The following MACROD2 variants were observed in gnomAD, a reference collection of about 807,000 sequenced individuals.
MACROD2 encodes mono-ADP ribosylhydrolase 2, also known as ADP-ribose glycohydrolase MACROD2.
Under a neutral mutation model 70.4 loss-of-function variants are expected in MACROD2, and 36 were observed. That is an observed-to-expected ratio of 0.51 (90% CI 0.39 to 0.68). MACROD2 has a LOEUF of 0.68. Ranked by LOEUF, MACROD2 falls within the 30% of genes least tolerant of loss-of-function variation. The probability of loss-of-function intolerance (pLI) is 0.00; values close to 1 mark genes in which losing one functional copy is unlikely to be tolerated. For synonymous variants in MACROD2, 172 were observed against 178.8 expected, an observed-to-expected ratio of 0.96 and a Z score of 0.30; for missense variants, 496 against 538.4, an observed-to-expected ratio of 0.92 and a Z score of 0.78.
chr20:15,031,149 C>T (rs1261374361), intron 5 of MACROD2, among the ~76,000 whole-genome samples: 1 of 152,218 alleles, frequency 6.6e-6, no homozygotes, highest in Non-Finnish European at 1.5e-5. Flanking sequence ...TCCAGCTGAA[C>T]CAGGCATACT....
intron 9 of MACROD2, among the ~76,000 whole-genome samples, chr20:15,873,835 TG>T (rs1384290282): frequency 3.9e-5 from 6 of 152,168 alleles, no homozygotes; most frequent in African/African-American, 1.4e-4. Context: ...TTTAAGCCTA[TG>T]GACTTCGCCT....
intron 3 of MACROD2, among the ~76,000 whole-genome samples, chr20:14,489,485 A>G (rs1241226577): frequency 2.0e-5 from 3 of 152,190 alleles, no homozygotes; most frequent in African/African-American, 7.2e-5. Flanking sequence ...GTGGTATTTC[A>G]GCTTTTGTAT....
chr20:15,228,487 C>CTTTTTTTTTTTTTTTTT (rs527508760), intron 5 of MACROD2, among the ~76,000 whole-genome samples: 2 of 118,010 alleles, frequency 1.7e-5, no homozygotes, highest in African/African-American at 3.3e-5. Context: ...TTCCTTCTTT[C>CTTTTTTTTTTTTTTTTT]TTTTTTTTTT....
intron 3 of MACROD2, among the ~76,000 whole-genome samples, chr20:14,153,521 T>C (rs2055053905): frequency 6.6e-6 from 1 of 152,198 alleles, no homozygotes; most frequent in Non-Finnish European, 1.5e-5. Context: ...TTTTTTCAGA[T>C]ACAACCAATG....
chr20:15,515,754 C>T (rs1421719613), intron 8 of MACROD2, among the ~76,000 whole-genome samples: 1 of 152,206 alleles, frequency 6.6e-6, no homozygotes, highest in African/African-American at 2.4e-5. Context: ...AAGCCTTGAA[C>T]TCTGTTCCTA....
intron 8 of MACROD2, among the ~76,000 whole-genome samples, chr20:15,669,094 A>C (rs190844847): frequency 5.7e-4 from 87 of 152,340 alleles, no homozygotes; most frequent in Non-Finnish European, 1.1e-3. Flanking sequence ...TTAACAAGTG[A>C]AAAAAGTGAA....
intron 8 of MACROD2, among the ~76,000 whole-genome samples, chr20:15,683,889 G>A (rs2050193519): frequency 6.6e-6 from 1 of 151,984 alleles, no homozygotes; most frequent in Non-Finnish European, 1.5e-5. Flanking sequence ...TGCTTAGCTT[G>A]CTGTTATCAT....
At chr20:14,107,515 C>T (rs971831641) in intron 3 of MACROD2, among the ~76,000 whole-genome samples, 1 of 151,924 alleles carries the variant, frequency 6.6e-6, no homozygotes, top group Non-Finnish European at 1.5e-5. Context: ...ATTCCCCAAA[C>T]CTAGAGAAAG....
intron 4 of MACROD2, among the ~76,000 whole-genome samples, chr20:14,666,030 C>G (rs1468154350): frequency 1.3e-5 from 2 of 151,934 alleles, no homozygotes; most frequent in Non-Finnish European, 2.9e-5. Context: ...TTAAAAAAAC[C>G]CAGATTCCTT....
At chr20:15,024,204 G>A (rs575975560) in intron 5 of MACROD2, among the ~76,000 whole-genome samples, 1 of 152,118 alleles carries the variant, frequency 6.6e-6, no homozygotes, top group Non-Finnish European at 1.5e-5. Context: ...GAGATTTATT[G>A]AAGGTATGCC....
At chr20:15,386,299 C>T (rs975087074) in intron 6 of MACROD2, among the ~76,000 whole-genome samples, 6 of 152,282 alleles carry the variant, frequency 3.9e-5, no homozygotes, top group African/African-American at 1.2e-4. Flanking sequence ...AATATATTAG[C>T]TCGTTTTCGT....
chr20:14,446,266 C>T (rs2084180892), intron 3 of MACROD2, among the ~76,000 whole-genome samples: 1 of 151,984 alleles, frequency 6.6e-6, no homozygotes, highest in Non-Finnish European at 1.5e-5. Context: ...CTGCTATTCA[C>T]TGCTTATATT....
intron 5 of MACROD2, among the ~76,000 whole-genome samples, chr20:15,020,120 C>A (rs934022870): frequency 6.6e-6 from 1 of 152,068 alleles, no homozygotes; most frequent in Non-Finnish European, 1.5e-5. Flanking sequence ...CTGGATTTGA[C>A]CTGCAGGCTA....
chr20:14,638,607 A>G (rs1984912570), intron 4 of MACROD2, among the ~76,000 whole-genome samples: 3 of 152,194 alleles, frequency 2.0e-5, no homozygotes, highest in African/African-American at 7.2e-5. Context: ...CCTCATCTGT[A>G]TAATGAGGAT....
rs867164978 is a variant in MACROD2, at chr20:15,461,000, A to T, written c.571+29565A>T. Among the ~76,000 whole-genome samples the T allele has an allele frequency of 1.8e-3, 124 of 69,254 alleles. 3 individuals carry two copies. Among genetic ancestry groups the T allele is most frequent in the South Asian group, 0.012 (25 of 2,152 alleles). The allele number at this position is 69,254 out of a possible 152,430, so 45.4% of individuals were successfully genotyped here. ...TCCATATATATATATATATATATAT[A>T]TATATATTTTTTTTTAATAGATGGG... On this transcript the variant is annotated intron_variant, in intron 7 of 17. Coordinates refer to ENST00000684519, the MANE Select transcript of MACROD2 (RefSeq NM_001351661.2).
intron 3 of MACROD2, among the ~76,000 whole-genome samples, chr20:14,128,813 T>G (rs544700873): frequency 1.2e-4 from 18 of 152,344 alleles, no homozygotes; most frequent in African/African-American, 4.1e-4. Context: ...CTACTCTGCC[T>G]GTGTTCTATA....
chr20:14,520,099 A>C (rs1397381817), intron 4 of MACROD2, among the ~76,000 whole-genome samples: 1 of 152,164 alleles, frequency 6.6e-6, no homozygotes, highest in East Asian at 1.9e-4. Flanking sequence ...AATCAGAAAA[A>C]ATATCTGTCA....
intron 13 of MACROD2, among the ~76,000 whole-genome samples, chr20:15,977,136 A>G (rs1420240982): frequency 6.6e-6 from 1 of 152,172 alleles, no homozygotes; most frequent in Non-Finnish European, 1.5e-5. Flanking sequence ...GATATAGACG[A>G]AGCCAGATCA....
intron 8 of MACROD2, among the ~76,000 whole-genome samples, chr20:15,580,353 C>A (rs2048506523): frequency 6.6e-6 from 1 of 152,092 alleles, no homozygotes; most frequent in South Asian, 2.1e-4. Context: ...TACTTAAGAA[C>A]TCCACTCCCA....
Sources: gnomAD v4.1 joint callset for allele counts (sites outside exome capture counted in the v4.1 genomes callset) on GRCh38, gnomAD v4.1.1 for gene constraint, MANE v1.5 for transcripts, NCBI Gene and HGNC (gene_info 2026-07-23, HGNC 2026-07-21) for gene names.